Variants in VPS13D observed in about 807,000 individuals in gnomAD.
The protein encoded by VPS13D is vacuolar protein sorting 13 homolog D.
A neutral mutation model predicts 461.9 loss-of-function variants in VPS13D; 187 were observed. The ratio of observed to expected loss-of-function variants is 0.40; its 90% CI spans 0.36 to 0.46. The LOEUF is 0.46. VPS13D is among the 20% of genes least tolerant of loss of function. VPS13D has a pLI of 0.60. For missense variants in VPS13D, 4,711 were observed against 5,364.9 expected, an observed-to-expected ratio of 0.88 and a Z score of 3.81; for synonymous variants, 1,951 against 1,986.3, an observed-to-expected ratio of 0.98 and a Z score of 0.47.
At chr1:12,487,910 A>C (rs1224810581) in intron 67 of VPS13D, among the ~76,000 whole-genome samples, 2 of 152,322 alleles carry the variant, frequency 1.3e-5, no homozygotes, top group East Asian at 3.9e-4. Flanking sequence ...CTTTTCTAAA[A>C]CTTCATTAAT....
intron 13 of VPS13D, 140 bp from the exon 14 acceptor site, chr1:12,266,741 G>A (rs78272367): frequency 6.2e-5 from 51 of 818,646 alleles, no homozygotes; most frequent in Non-Finnish European, 8.2e-5. Flanking sequence ...GATAGATAGG[G>A]TTTTTTTGTT....
Position 12,319,626 on chromosome 1 carries a change from T to C in VPS13D, c.7544T>C (p.Ile2515Thr), listed in dbSNP as rs996190234. Residue 2515 changes from isoleucine to threonine, a missense_variant, in exon 32 of 70, where the codon ATT (isoleucine) becomes ACT (threonine). Around this residue, in one of 3 missense-constraint regions of VPS13D, gnomAD observed 4,411 missense variants for 4,937.8 expected, o/e 0.89. Transcript: ENST00000620676. ...CCCTTTTCAGGAAGTTTGTTTGGCA[T>C]TGAGGTAAGAAGTCTATGTGTTGAT... ...DRPFSGSLFG[I>T]EVFSCRLGNE... The C allele has an allele frequency of 6.2e-7, 1 of 1,614,218 alleles. No individual in the cohort carries two copies. The highest frequency in any genetic ancestry group is 1.7e-5 in the Admixed American group (1 of 60,028).
intron 63 of VPS13D, among the ~76,000 whole-genome samples, chr1:12,410,383 T>C (rs1644708657): frequency 6.6e-6 from 1 of 152,156 alleles, no homozygotes; most frequent in African/African-American, 2.4e-5. Context: ...AAACACAGCC[T>C]TGAGAAAACC....
intron 39 of VPS13D, chr1:12,336,384 T>C (rs961942095): frequency 6.6e-6 from 1 of 152,600 alleles, no homozygotes; most frequent in Non-Finnish European, 1.5e-5. Flanking sequence ...CTATTGATGA[T>C]GCTTTCTTTC....
chr1:12,331,698 C>T (rs1444841543), intron 37 of VPS13D, among the ~76,000 whole-genome samples: 3 of 130,102 alleles, frequency 2.3e-5, no homozygotes, highest in Non-Finnish European at 4.7e-5. Context: ...GGCGACAGAG[C>T]GAGACTCTGT....
At chr1:12,434,201 G>C (rs187390608) in intron 65 of VPS13D, among the ~76,000 whole-genome samples, 1 of 152,164 alleles carries the variant, frequency 6.6e-6, no homozygotes, top group Admixed American at 6.5e-5. Context: ...AGTCTCCCTG[G>C]GAACATCCTG....
rs1553131587 is a variant in VPS13D, at chr1:12,510,554, T to TGTGTGTGTGC, written c.*1531_*1532insTGTGTGTGCG. 1 of 147,270 alleles carries TGTGTGTGTGC rather than the reference T, an allele frequency of 6.8e-6. No homozygotes were observed. Among genetic ancestry groups the TGTGTGTGTGC allele is most frequent in the African/African-American group, 2.5e-5 (1 of 39,348 alleles). 9.1% of individuals were successfully genotyped at this position (147,270 alleles called of 1,614,324 possible). ...GTGTGTGTGTGTGTGTGTGTGTGTG[T>TGTGTGTGTGC]GCGCGCGCGCGCGTGCATGCAGAGA... On this transcript the variant is annotated 3_prime_UTR_variant, in exon 70 of 70. Transcript: ENST00000620676.
intron 40 of VPS13D, among the ~76,000 whole-genome samples, chr1:12,340,675 C>T (rs1460097527): frequency 6.6e-6 from 1 of 152,220 alleles, no homozygotes; most frequent in African/African-American, 2.4e-5. Flanking sequence ...CTGTAGATGT[C>T]ATTTTCTCCC....
chr1:12,362,951 C>T, intron 51 of VPS13D, 101 bp downstream of exon 51: 1 of 1,584,606 alleles, frequency 6.3e-7, no homozygotes, highest in Non-Finnish European at 8.6e-7. Flanking sequence ...CAAGTAACTG[C>T]TCTGTGCCTT....
At chr1:12,302,260 G>A (rs2101466174) in intron 25 of VPS13D, among the ~76,000 whole-genome samples, 1 of 152,244 alleles carries the variant, frequency 6.6e-6, no homozygotes, top group East Asian at 1.9e-4. Context: ...ATTTATTTGT[G>A]GTAAATCTTT....
In VPS13D at chr1:12,299,892, C is replaced by T. The variant is rs1642371454; in HGVS notation, c.6216+508C>T. ...TATATTGCTTTACAGTTTTAAATTA[C>T]TGTGGCACCTTTTTTTTTTTTTCAA... On this transcript the variant is annotated intron_variant, in intron 25 of 69. Transcript: ENST00000620676. This position sits in a 1 kb window ranked among gnomAD's most constrained non-coding sequence, Gnocchi z 4.2. 2.0e-5 allele frequency among the ~76,000 whole-genome samples: 3 copies of T among 148,310 alleles called. No homozygotes were observed. The highest frequency in any genetic ancestry group is 2.1e-4 in the South Asian group (1 of 4,732).
chr1:12,345,236 G>A (rs1026094778), intron 42 of VPS13D, 138 bp from the exon 43 acceptor site: 4 of 935,482 alleles, frequency 4.3e-6, no homozygotes, highest in African/African-American at 3.3e-5. Context: ...GATTTCCCTT[G>A]CATTAGGTAA....
intron 7 of VPS13D, among the ~76,000 whole-genome samples, chr1:12,254,633 C>A (rs1640855367): frequency 6.9e-6 from 1 of 145,388 alleles, no homozygotes; most frequent in African/African-American, 2.6e-5. Flanking sequence ...AAGCAATTCT[C>A]CTGCCTCAGC....
At chr1:12,320,442 T>C (rs1409047507) in intron 32 of VPS13D, among the ~76,000 whole-genome samples, 1 of 152,214 alleles carries the variant, frequency 6.6e-6, no homozygotes, top group South Asian at 2.1e-4. Flanking sequence ...CATGCCCCTT[T>C]CTTTCCAGTG....
intron 5 of VPS13D, 62 bp downstream of exon 5, chr1:12,244,679 G>A (rs1640490848): frequency 1.3e-6 from 2 of 1,485,534 alleles, no homozygotes; most frequent in African/African-American, 1.4e-5. Context: ...GTTTAAACGT[G>A]TTTCTCCTCT....
At chr1:12,458,347 G>A (rs1034053476) in intron 66 of VPS13D, among the ~76,000 whole-genome samples, 1 of 152,176 alleles carries the variant, frequency 6.6e-6, no homozygotes, top group African/African-American at 2.4e-5. Flanking sequence ...GTCATGTTCT[G>A]TCTCTCAGGT....
chr1:12,276,288 C>T lies in VPS13D; in HGVS notation c.2700C>T (p.Leu900=), dbSNP rs1312784116. Residue 900 remains leucine (L), a synonymous_variant, in exon 19 of 70, where the codon CTC becomes CTT. Coordinates refer to ENST00000620676, the MANE Select transcript of VPS13D (RefSeq NM_015378.4). The surrounding 1 kb of genome is among the most constrained non-coding windows in gnomAD (Gnocchi z 4.5). ...CTGCACTAAAGAATTGCTTTGCTCT[C>T]CTCACCACCCCAGAAATGAAAACTT... is the stretch of plus-strand genomic sequence containing the variant. ...KISALKNCFA[L]LTTPEMKTSD... 1.2e-6 allele frequency: 2 copies of T among 1,614,024 alleles called. No individual in the cohort carries two copies. Among genetic ancestry groups the T allele is most frequent in the East Asian group, 2.2e-5 (1 of 44,880 alleles).
chr1:12,275,369 C>T (rs374394083), intron 18 of VPS13D, among the ~76,000 whole-genome samples: 1 of 152,080 alleles, frequency 6.6e-6, no homozygotes, highest in Non-Finnish European at 1.5e-5. Flanking sequence ...GAACTGAGAT[C>T]GTGCCATTGC....
chr1:12,268,033 C>T (rs1303287648), intron 15 of VPS13D, 113 bp downstream of exon 15: 2 of 804,730 alleles, frequency 2.5e-6, no homozygotes, highest in African/African-American at 3.5e-5. Context: ...GTGATCTTGG[C>T]TCACTGCAAC....
Sources: allele counts gnomAD v4.1 joint callset (sites outside exome capture counted in the v4.1 genomes callset), GRCh38; gene constraint gnomAD v4.1.1; regional missense constraint gnomAD v4.1.1; non-coding constraint Gnocchi (gnomAD v3.1); transcripts MANE v1.5; gene names NCBI Gene and HGNC (gene_info 2026-07-23, HGNC 2026-07-21).